The following CSGALNACT1 variants were observed in gnomAD, a reference collection of about 807,000 sequenced individuals.
The protein encoded by CSGALNACT1 is chondroitin sulfate N-acetylgalactosaminyltransferase 1.
Under a neutral mutation model 51.0 loss-of-function variants are expected in CSGALNACT1, and 52 were observed. The ratio of observed to expected loss-of-function variants is 1.02; its 90% confidence interval spans 0.82 to 1.29. CSGALNACT1 has a LOEUF of 1.29. CSGALNACT1 is among the 50% of genes most tolerant of loss of function. The pLI is 0.00. For missense variants in CSGALNACT1, 935 were observed against 679.2 expected (o/e 1.38, Z -4.19); for synonymous variants, 341 against 254.4 (o/e 1.34, Z -3.24).
At chr8:19,452,650 A>AGTGAGCAAGTGAGCTGGAGAC (rs2063390509) in intron 5 of CSGALNACT1, among the ~76,000 whole-genome samples, 1 of 152,164 alleles carries the variant, frequency 6.6e-6, no homozygotes, top group Non-Finnish European at 1.5e-5. Flanking sequence ...AAGATGAGCA[A>AGTGAGCAAGTGAGCTGGAGAC]GTGAGCAAGT....
At chr8:19,628,342 A>G (rs1391569373) in intron 1 of CSGALNACT1, among the ~76,000 whole-genome samples, 2 of 152,222 alleles carry the variant, frequency 1.3e-5, no homozygotes, top group African/African-American at 4.8e-5. Context: ...GGAAACTGCC[A>G]CTTTTAAGAC....
chr8:19,528,769 G>C (rs939776346), intron 3 of CSGALNACT1, among the ~76,000 whole-genome samples: 1 of 152,094 alleles, frequency 6.6e-6, no homozygotes, highest in South Asian at 2.1e-4. Flanking sequence ...TAAACCCAGC[G>C]TGTCCAACTA....
intron 1 of CSGALNACT1, among the ~76,000 whole-genome samples, chr8:19,687,980 G>C (rs920523726): frequency 2.0e-5 from 3 of 152,162 alleles, no homozygotes; most frequent in South Asian, 2.1e-4. Flanking sequence ...TCTTACATCC[G>C]TGTTGTGGTT....
At chr8:19,525,257 T>C (rs1452207185) in intron 3 of CSGALNACT1, among the ~76,000 whole-genome samples, 1 of 152,030 alleles carries the variant, frequency 6.6e-6, no homozygotes, top group Non-Finnish European at 1.5e-5. Flanking sequence ...ACTAAAACAC[T>C]CATTGTGGGA....
intron 4 of CSGALNACT1, among the ~76,000 whole-genome samples, chr8:19,488,361 T>TTATATATACATA (rs2073513893): frequency 1.1e-5 from 1 of 89,836 alleles, no homozygotes; most frequent in Non-Finnish European, 2.2e-5. Context: ...TTATATATAT[T>TTATATATACATA]TATATATACA....
At chr8:19,429,468 GC>G (rs1743965596) in intron 6 of CSGALNACT1, among the ~76,000 whole-genome samples, 1 of 94 alleles carries the variant, frequency 0.011, no homozygotes, top group African/African-American at 0.031. Context: ...TGAGCCACTG[GC>G]ACCTGGCCAT....
intron 6 of CSGALNACT1, among the ~76,000 whole-genome samples, chr8:19,431,805 TC>T (rs1257288214): frequency 3.5e-5 from 4 of 113,254 alleles, no homozygotes; most frequent in Admixed American, 1.1e-4. Flanking sequence ...TGTGGAAAGT[TC>T]TTTTTTCTTT....
At chr8:19,545,527 T>G (rs943895967) in intron 3 of CSGALNACT1, among the ~76,000 whole-genome samples, 1 of 152,142 alleles carries the variant, frequency 6.6e-6, no homozygotes, top group African/African-American at 2.4e-5. Flanking sequence ...AGTGTCCTGA[T>G]AGCAAAGACT....
intron 1 of CSGALNACT1, among the ~76,000 whole-genome samples, chr8:19,688,166 C>T (rs1232332619): frequency 6.6e-6 from 1 of 152,144 alleles, no homozygotes; most frequent in Non-Finnish European, 1.5e-5. Flanking sequence ...CTGGAGACAT[C>T]GGTGGGGCCT....
intron 6 of CSGALNACT1, among the ~76,000 whole-genome samples, chr8:19,435,809 CTA>C (rs536331480): frequency 6.2e-4 from 95 of 152,290 alleles, no homozygotes; most frequent in African/African-American, 2.0e-3. Context: ...GTATTTCTGT[CTA>C]TGTTAGTAGC....
At chr8:19,547,558 T>C (rs886458556) in intron 3 of CSGALNACT1, among the ~76,000 whole-genome samples, 1 of 152,212 alleles carries the variant, frequency 6.6e-6, no homozygotes, top group African/African-American at 2.4e-5. Context: ...CCTGTCACCA[T>C]GTAAGACGTG....
intron 4 of CSGALNACT1, among the ~76,000 whole-genome samples, chr8:19,490,741 C>A (rs932855358): frequency 7.2e-5 from 11 of 152,090 alleles, no homozygotes; most frequent in Admixed American, 5.9e-4. Flanking sequence ...TCATCTCCTT[C>A]CCCAAAAAAC....
chr8:19,565,447 A>G (rs552826848), intron 3 of CSGALNACT1, among the ~76,000 whole-genome samples: 33 of 152,344 alleles, frequency 2.2e-4, no homozygotes, highest in African/African-American at 7.7e-4. Flanking sequence ...CTTGACCTAT[A>G]TTTATGACAT....
At chr8:19,485,759 C>CCTTTTTTTTTTTTTTTTTTT (rs1554615269) in intron 4 of CSGALNACT1, among the ~76,000 whole-genome samples, 1 of 38,520 alleles carries the variant, frequency 2.6e-5, no homozygotes, top group African/African-American at 1.0e-4. Flanking sequence ...CCTCAGCTTG[C>CCTTTTTTTTTTTTTTTTTTT]TTTTTTTTTT....
exon 10 of CSGALNACT1, chr8:19,405,102 A>G (rs1391668525): frequency 2.2e-6 from 1 of 453,698 alleles, no homozygotes; most frequent in South Asian, 1.6e-5. Flanking sequence ...TAAGGCTTGC[A>G]AAGTGGTAAT....
At chr8:19,516,021 C>G (rs2079457545) in intron 3 of CSGALNACT1, among the ~76,000 whole-genome samples, 1 of 152,154 alleles carries the variant, frequency 6.6e-6, no homozygotes, top group African/African-American at 2.4e-5. Flanking sequence ...CCAAACCCCG[C>G]AAGGAGACCT....
chr8:19,710,255 T>C (rs547519334), intron 1 of CSGALNACT1, among the ~76,000 whole-genome samples: 1 of 152,294 alleles, frequency 6.6e-6, no homozygotes, highest in South Asian at 2.1e-4. Context: ...TGACTATATA[T>C]GGGGAGTGAA....
chr8:19,732,964 A>T (rs2154246588), intron 1 of CSGALNACT1, among the ~76,000 whole-genome samples: 1 of 152,366 alleles, frequency 6.6e-6, no homozygotes, highest in African/African-American at 2.4e-5. Context: ...ATACAAAGGG[A>T]ATAAAATATA....
At chr8:19,434,751 C>T (rs1041714711) in intron 6 of CSGALNACT1, among the ~76,000 whole-genome samples, 10 of 151,704 alleles carry the variant, frequency 6.6e-5, no homozygotes, top group East Asian at 3.9e-4. Context: ...TCCCAGGGTC[C>T]GAGACTAATT....
Sources: allele counts gnomAD v4.1 joint callset (sites outside exome capture counted in the v4.1 genomes callset), GRCh38; gene constraint gnomAD v4.1.1; transcripts MANE v1.5; gene names NCBI Gene and HGNC (gene_info 2026-07-23, HGNC 2026-07-21).